The following FAF1 variants were observed in gnomAD, a reference collection of about 807,000 sequenced individuals.
FAF1 encodes the protein FAS-associated factor 1.
In FAF1, 25 loss-of-function variants were observed where a neutral mutation model predicts 92.5. The observed-to-expected ratio is 0.27, with a 90% confidence interval of 0.20 to 0.38. The LOEUF is 0.38. FAF1 is among the 10% of genes least tolerant of loss of function. The probability of loss-of-function intolerance (pLI) is 1.00; values close to 1 mark genes in which losing one functional copy is unlikely to be tolerated. For synonymous variants in FAF1, 234 were observed against 273.2 expected (o/e 0.86, Z 1.42); for missense variants, 636 against 793.3 (o/e 0.80, Z 2.38).
intron 13 of FAF1, among the ~76,000 whole-genome samples, chr1:50,549,009 T>C (rs1388019837): frequency 6.6e-6 from 1 of 152,182 alleles, no homozygotes; most frequent in Non-Finnish European, 1.5e-5. Context: ...GAGTCAAAAT[T>C]GGTTTTTCCA....
intron 1 of FAF1, among the ~76,000 whole-genome samples, chr1:50,896,509 A>C (rs943899680): frequency 2.0e-5 from 3 of 152,248 alleles, no homozygotes; most frequent in Non-Finnish European, 4.4e-5. Flanking sequence ...CATAATAGCC[A>C]AGATATGGAA....
intron 9 of FAF1, among the ~76,000 whole-genome samples, chr1:50,594,696 C>T (rs187716131): frequency 0.013 from 1,960 of 151,518 alleles, 43 homozygotes; most frequent in African/African-American, 0.043. Context: ...TATAGTGAAA[C>T]CCCGTCTCTA....
At chr1:50,713,115 A>C (rs890462926) in intron 6 of FAF1, among the ~76,000 whole-genome samples, 8 of 145,902 alleles carry the variant, frequency 5.5e-5, no homozygotes, top group African/African-American at 2.0e-4. Flanking sequence ...AGCTGAGATC[A>C]CACCACTACA....
intron 1 of FAF1, among the ~76,000 whole-genome samples, chr1:50,898,321 A>AAAC (rs753012294): frequency 1.9e-4 from 29 of 152,230 alleles, no homozygotes; most frequent in Non-Finnish European, 3.8e-4. Context: ...ACCTCTTGAA[A>AAAC]AACAACAACA....
chr1:50,826,760 TAAC>T (rs36004603), intron 2 of FAF1, among the ~76,000 whole-genome samples: 149 of 152,228 alleles, frequency 9.8e-4, no homozygotes, highest in Admixed American at 3.2e-3. Flanking sequence ...GACAAACTCT[TAAC>T]AAAATACAAC....
At chr1:50,769,146 A>G (rs1054486765) in intron 4 of FAF1, among the ~76,000 whole-genome samples, 3 of 152,130 alleles carry the variant, frequency 2.0e-5, no homozygotes, top group African/African-American at 4.8e-5. Flanking sequence ...AATACAAAAA[A>G]CCCTCAGAGA....
At chr1:50,746,750 A>G (rs772570803) in intron 4 of FAF1, among the ~76,000 whole-genome samples, 11 of 152,226 alleles carry the variant, frequency 7.2e-5, no homozygotes, top group Non-Finnish European at 1.2e-4. Flanking sequence ...CCAAGTGCTG[A>G]TAGCTAAAAC....
At chr1:50,881,742 GT>G (rs1250038119) in intron 1 of FAF1, among the ~76,000 whole-genome samples, 3 of 152,120 alleles carry the variant, frequency 2.0e-5, no homozygotes, top group African/African-American at 7.2e-5. Context: ...TACATGAGTG[GT>G]TTCTAAAACA....
chr1:50,654,975 T>C (rs1170353282), intron 8 of FAF1, among the ~76,000 whole-genome samples: 3 of 150,054 alleles, frequency 2.0e-5, no homozygotes, highest in African/African-American at 7.3e-5. Flanking sequence ...ATATTTCTTT[T>C]TTTTTTTTTT....
chr1:50,811,207 T>G (rs555667222), intron 2 of FAF1, among the ~76,000 whole-genome samples: 1 of 151,652 alleles, frequency 6.6e-6, no homozygotes, highest in East Asian at 1.9e-4. Context: ...GGCAAGGGAG[T>G]GTGCATCTGT....
At chr1:50,519,060 G>A (rs1305452819) in intron 15 of FAF1, among the ~76,000 whole-genome samples, 5 of 151,962 alleles carry the variant, frequency 3.3e-5, no homozygotes, top group Admixed American at 2.0e-4. Flanking sequence ...GGCCAGGCAC[G>A]GTGGCTCACG....
intron 8 of FAF1, among the ~76,000 whole-genome samples, chr1:50,622,176 AAT>A (rs1491266780): frequency 3.3e-5 from 5 of 151,716 alleles, no homozygotes; most frequent in African/African-American, 9.7e-5. Context: ...AAAAAAAAAA[AAT>A]AAAAAGAAAA....
At chr1:50,878,185 C>A (rs1644585572) in intron 1 of FAF1, among the ~76,000 whole-genome samples, 1 of 152,208 alleles carries the variant, frequency 6.6e-6, no homozygotes, top group Non-Finnish European at 1.5e-5. Flanking sequence ...CAAAATATAA[C>A]ATTAAATTTA....
intron 8 of FAF1, among the ~76,000 whole-genome samples, chr1:50,607,153 A>G (rs1557432229): frequency 6.6e-6 from 1 of 152,154 alleles, no homozygotes; most frequent in Non-Finnish European, 1.5e-5. Flanking sequence ...CCACCATTAA[A>G]GCAAAGCAAA....
intron 1 of FAF1, among the ~76,000 whole-genome samples, chr1:50,885,793 G>A (rs1007915802): frequency 1.3e-5 from 2 of 152,058 alleles, no homozygotes; most frequent in East Asian, 3.8e-4. Flanking sequence ...TTTTACAGAA[G>A]GTGACTTTCT....
intron 1 of FAF1, among the ~76,000 whole-genome samples, chr1:50,956,831 C>A (rs1034101708): frequency 5.9e-5 from 9 of 152,100 alleles, no homozygotes; most frequent in Non-Finnish European, 1.2e-4. Flanking sequence ...GCCTGTAATC[C>A]CAGCTACTCA....
intron 2 of FAF1, among the ~76,000 whole-genome samples, chr1:50,845,702 A>G (rs779408085): frequency 1.3e-5 from 2 of 152,084 alleles, no homozygotes; most frequent in Non-Finnish European, 2.9e-5. Flanking sequence ...CTACATCTTC[A>G]ACAATATGTG....
chr1:50,719,886 C>G (rs1433827284), intron 6 of FAF1, among the ~76,000 whole-genome samples: 1 of 152,166 alleles, frequency 6.6e-6, no homozygotes, highest in Non-Finnish European at 1.5e-5. Context: ...TTTGGTACCT[C>G]ACTCCAATTA....
At chr1:50,853,216 C>T (rs1644365067) in intron 2 of FAF1, among the ~76,000 whole-genome samples, 1 of 152,098 alleles carries the variant, frequency 6.6e-6, no homozygotes, top group Non-Finnish European at 1.5e-5. Flanking sequence ...AGTGGAACTG[C>T]TACATGAAAT....
Sources: gnomAD v4.1 joint callset for allele counts (sites outside exome capture counted in the v4.1 genomes callset) on GRCh38, gnomAD v4.1.1 for gene constraint, MANE v1.5 for transcripts, NCBI Gene and HGNC (gene_info 2026-07-23, HGNC 2026-07-21) for gene names.